Variants in TCF12 observed in about 807,000 individuals in gnomAD.
The protein encoded by TCF12 is DNA-binding protein HTF4.
TCF12 carries 45 observed loss-of-function variants against 86.0 expected under a neutral mutation model. That is an observed-to-expected ratio of 0.52 (90% CI 0.41 to 0.67). TCF12 has a LOEUF of 0.67. TCF12 is among the 30% of genes least tolerant of loss of function. The pLI, the probability that TCF12 is intolerant of heterozygous loss-of-function variation, is 0.00. For missense variants in TCF12, 881 were observed against 859.9 expected (o/e 1.02, Z -0.31); for synonymous variants, 330 against 299.6 (o/e 1.10, Z -1.05).
Position 57,076,807 on chromosome 15 carries a change from G to A in TCF12, c.222+12984G>A, listed in dbSNP as rs2070101568. 2.6e-5 allele frequency among the ~76,000 whole-genome samples: 4 copies of A among 152,206 alleles called. No homozygotes were observed. The South Asian group carries it at 8.3e-4, about 32-fold the overall frequency. On this transcript the variant is annotated intron_variant, in intron 4 of 20. Transcript: ENST00000333725. ...CATTTAGCTCTTAACTTAAATCTGT[G>A]ATCCATTGTGAGTTTGTTTCTGTAT...
intron 4 of TCF12, among the ~76,000 whole-genome samples, chr15:57,086,212 G>GATAATAATAATAATAATA (rs60173159): frequency 0.081 from 11,417 of 141,444 alleles, 577 homozygotes; most frequent in East Asian, 0.1. Flanking sequence ...GGATGATGAT[G>GATAATAATAATAATAATA]ATAATAATAA....
At chr15:57,247,801 G>A in intron 13 of TCF12, 1 of 751,270 alleles carries the variant, frequency 1.3e-6, no homozygotes. Flanking sequence ...CAACACAAGA[G>A]TAAGTCACAA....
chr15:57,165,987 C>A (rs969362330), intron 5 of TCF12, among the ~76,000 whole-genome samples: 1 of 151,910 alleles, frequency 6.6e-6, no homozygotes, highest in Admixed American at 6.6e-5. Flanking sequence ...AAATACTATA[C>A]GTTGAAAATA....
At chr15:57,099,778 T>G (rs2040922248) in intron 5 of TCF12, among the ~76,000 whole-genome samples, 1 of 152,154 alleles carries the variant, frequency 6.6e-6, no homozygotes, top group Admixed American at 6.5e-5. Context: ...TTTGTTTTGT[T>G]TATATATTAT....
intron 6 of TCF12, among the ~76,000 whole-genome samples, chr15:57,188,477 A>G (rs2056803505): frequency 6.6e-6 from 1 of 152,170 alleles, no homozygotes; most frequent in Non-Finnish European, 1.5e-5. Flanking sequence ...AGTTGTTCCT[A>G]AATTTATATG....
At chr15:57,143,227 A>G (rs997036488) in intron 5 of TCF12, among the ~76,000 whole-genome samples, 12 of 151,700 alleles carry the variant, frequency 7.9e-5, no homozygotes, top group Admixed American at 1.3e-4. Context: ...GTTAAAGGAC[A>G]TTATTGAGAC....
rs2062018184 is a variant in TCF12, at chr15:57,288,945, T to A, written c.*2800T>A. The A allele has an allele frequency of 6.6e-6, 1 of 152,166 alleles. No individual in the cohort carries two copies. The highest frequency in any genetic ancestry group is 6.5e-5 in the Admixed American group (1 of 15,270). 9.4% of individuals were successfully genotyped at this position (152,166 alleles called of 1,614,324 possible). On this transcript the variant is annotated 3_prime_UTR_variant, in exon 21 of 21. Transcript: ENST00000333725. The stretch of plus-strand genomic sequence containing the variant: ...GTCATAATTAAGTAATGGTATTGTT[T>A]ACTGTTTAAAAGTTAAAAGATCAAA...
intron 3 of TCF12, among the ~76,000 whole-genome samples, chr15:56,960,762 A>G (rs1303143447): frequency 6.6e-6 from 1 of 152,016 alleles, no homozygotes; most frequent in Non-Finnish European, 1.5e-5. Flanking sequence ...ATTCTTTGAT[A>G]TATAAACCCT....
chr15:56,960,759 G>T (rs2061710935), intron 3 of TCF12, among the ~76,000 whole-genome samples: 1 of 151,658 alleles, frequency 6.6e-6, no homozygotes, highest in South Asian at 2.1e-4. Flanking sequence ...CCAATTCTTT[G>T]ATATATAAAC....
At chr15:56,962,360 G>A (rs1652733) in intron 3 of TCF12, among the ~76,000 whole-genome samples, 1,870 of 152,164 alleles carry the variant, frequency 0.012, 40 homozygotes, top group African/African-American at 0.043. Flanking sequence ...ACACTACTCC[G>A]GATTTTCCTT....
At chr15:57,275,039 C>T (rs1056872266) in intron 19 of TCF12, among the ~76,000 whole-genome samples, 24 of 152,100 alleles carry the variant, frequency 1.6e-4, no homozygotes, top group African/African-American at 5.8e-4. Flanking sequence ...CATGCGGGCA[C>T]CTAGAACAGA....
chr15:57,259,585 T>C (rs1306047135), intron 16 of TCF12, among the ~76,000 whole-genome samples: 11 of 152,252 alleles, frequency 7.2e-5, no homozygotes. Flanking sequence ...ATTGTGAAGA[T>C]TGAGTATGCA....
At chr15:57,256,745 G>T (rs550068618) in intron 16 of TCF12, among the ~76,000 whole-genome samples, 2 of 152,016 alleles carry the variant, frequency 1.3e-5, no homozygotes, top group Non-Finnish European at 2.9e-5. Flanking sequence ...GAATTCATGA[G>T]GTCAGCTTCT....
At chr15:57,284,420 G>T (rs1053992006) in intron 20 of TCF12, among the ~76,000 whole-genome samples, 1 of 152,136 alleles carries the variant, frequency 6.6e-6, no homozygotes, top group Admixed American at 6.5e-5. Flanking sequence ...AGGCTGCCCA[G>T]CCTGGTCTCA....
chr15:57,219,811 C>T lies in TCF12; in HGVS notation c.580-11341C>T, dbSNP rs937219155. 4.1e-5 allele frequency among the ~76,000 whole-genome samples: 6 copies of T among 147,506 alleles called. 1 individual carries two copies. The South Asian group carries it at 1.1e-3, about 26-fold the overall frequency. On this transcript the variant is annotated intron_variant, in intron 8 of 20. Coordinates refer to ENST00000333725, the MANE Select transcript of TCF12 (RefSeq NM_207037.2). ...CTCGATCTCGGCTCACTGCAACCTT[C>T]GCCTCCCGGGTTCAAGCGATTCTCC...
chr15:57,208,380 C>CTTTTTTTTT (rs1184422578), intron 8 of TCF12, among the ~76,000 whole-genome samples: 1,481 of 65,500 alleles, frequency 0.023, 204 homozygotes, highest in Admixed American at 0.097. Flanking sequence ...CAAAAATATC[C>CTTTTTTTTT]TTTTTTTTTT....
intron 13 of TCF12, among the ~76,000 whole-genome samples, chr15:57,246,220 TAC>T (rs1308461659): frequency 1.3e-5 from 2 of 152,178 alleles, no homozygotes; most frequent in South Asian, 2.1e-4. Context: ...TAAAGATAGA[TAC>T]ACAGGTGCAG....
chr15:57,243,335 A>G (rs1395178039), intron 12 of TCF12, 137 bp from the exon 13 acceptor site: 4 of 650,264 alleles, frequency 6.2e-6, no homozygotes, highest in Non-Finnish European at 1.0e-5. Context: ...GAAACAGTCT[A>G]AAACTTGACA....
chr15:57,181,893 A>C (rs1294159694), intron 6 of TCF12, among the ~76,000 whole-genome samples: 1 of 152,180 alleles, frequency 6.6e-6, no homozygotes, highest in African/African-American at 2.4e-5. Context: ...CTCTAGTATT[A>C]GATATATTTT....
Sources: allele counts gnomAD v4.1 joint callset (sites outside exome capture counted in the v4.1 genomes callset), GRCh38; gene constraint gnomAD v4.1.1; transcripts MANE v1.5; gene names NCBI Gene and HGNC (gene_info 2026-07-23, HGNC 2026-07-21).